The following DNAJC6 variants were observed in gnomAD, a reference collection of about 807,000 sequenced individuals.
The protein encoded by DNAJC6 is auxilin.
Under a neutral mutation model 110.0 loss-of-function variants are expected in DNAJC6, and 34 were observed. That is an observed-to-expected ratio of 0.31 (90% CI 0.24 to 0.41). The LOEUF is 0.41. Among genes scored for constraint, DNAJC6 ranks in the 10% least tolerant of loss-of-function variants. The pLI is 1.00. For missense variants in DNAJC6, 1,031 were observed against 1,207.8 expected, an observed-to-expected ratio of 0.85 and a Z score of 2.17; for synonymous variants, 406 against 437.2, an observed-to-expected ratio of 0.93 and a Z score of 0.89.
intron 1 of DNAJC6, among the ~76,000 whole-genome samples, chr1:65,343,646 C>G (rs148343894): frequency 2.7e-4 from 41 of 151,916 alleles, no homozygotes; most frequent in Admixed American, 5.2e-4. Flanking sequence ...ATAATGGCCC[C>G]AAATCACAAG....
At chr1:65,282,051 G>T (rs1024154114) in intron 1 of DNAJC6, among the ~76,000 whole-genome samples, 1 of 152,026 alleles carries the variant, frequency 6.6e-6, no homozygotes, top group Non-Finnish European at 1.5e-5. Context: ...TCAGCCACCC[G>T]TGAAGCTGGG....
At chr1:65,270,830 C>T (rs183933106) in intron 1 of DNAJC6, among the ~76,000 whole-genome samples, 16 of 152,206 alleles carry the variant, frequency 1.1e-4, no homozygotes, top group African/African-American at 3.4e-4. Flanking sequence ...AGGTGCACAC[C>T]ACCACACCCA....
At chr1:65,313,734 A>G (rs1346008723) in intron 1 of DNAJC6, among the ~76,000 whole-genome samples, 1 of 152,220 alleles carries the variant, frequency 6.6e-6, no homozygotes. Context: ...TTTCTAAGTC[A>G]ACAGCCTCTC....
intron 1 of DNAJC6, among the ~76,000 whole-genome samples, chr1:65,289,227 G>A (rs1029578445): frequency 5.9e-5 from 9 of 151,654 alleles, no homozygotes; most frequent in African/African-American, 1.9e-4. Flanking sequence ...ATGGAGTCTC[G>A]CTCTGTTACC....
rs138715264 is a variant in DNAJC6 at position 65,359,059 on chromosome 1, A to G, written c.194-5576A>G. On this transcript the variant is annotated intron_variant, in intron 1 of 18. Coordinates refer to ENST00000371069, the MANE Select transcript of DNAJC6 (RefSeq NM_001256864.2). ...CTAAGAAATCAATAAAATGTTTATG[A>G]AAAGCAGCCACACTTTTTTATATTT... Among the ~76,000 whole-genome samples, 433 of 152,336 alleles carry G rather than the reference A, an allele frequency of 2.8e-3. 4 individuals are homozygous for G. Among genetic ancestry groups the G allele is most frequent in the African/African-American group, 9.9e-3 (413 of 41,588 alleles).
intron 1 of DNAJC6, among the ~76,000 whole-genome samples, chr1:65,334,503 G>A (rs1645317425): frequency 6.6e-6 from 1 of 152,184 alleles, no homozygotes; most frequent in Non-Finnish European, 1.5e-5. Flanking sequence ...AGGTGAGAAT[G>A]GGAAGGAAAG....
intron 17 of DNAJC6, 61 bp from the exon 18 acceptor site, chr1:65,411,189 T>A (rs1646125680): frequency 6.5e-7 from 1 of 1,541,912 alleles, no homozygotes; most frequent in Middle Eastern, 2.1e-4. Context: ...AGAGTCCTAG[T>A]GGAAACCTTC....
chr1:65,378,764 A>T (rs1239413722), intron 4 of DNAJC6, among the ~76,000 whole-genome samples: 1 of 152,206 alleles, frequency 6.6e-6, no homozygotes, highest in Non-Finnish European at 1.5e-5. Flanking sequence ...CAGTTTTCTC[A>T]TCTGCAAAAT....
upstream of DNAJC6, among the ~76,000 whole-genome samples, chr1:65,308,580 T>A (rs1301847722): frequency 6.6e-6 from 1 of 152,196 alleles, no homozygotes; most frequent in Non-Finnish European, 1.5e-5. Flanking sequence ...AGATACAAAA[T>A]TAGGTACACA....
chr1:65,297,318 C>T (rs1482838762), intron 1 of DNAJC6, among the ~76,000 whole-genome samples: 3 of 152,128 alleles, frequency 2.0e-5, no homozygotes, highest in Non-Finnish European at 2.9e-5. Context: ...TGATAGGAAA[C>T]CCTTGAATAG....
intron 1 of DNAJC6, among the ~76,000 whole-genome samples, chr1:65,314,666 T>G (rs1325058213): frequency 1.3e-5 from 2 of 152,142 alleles, no homozygotes; most frequent in Admixed American, 1.3e-4. Flanking sequence ...TTTTGTACTT[T>G]TAGAAAAGAC....
intron 1 of DNAJC6, among the ~76,000 whole-genome samples, chr1:65,266,068 G>A (rs927193123): frequency 6.6e-6 from 1 of 152,218 alleles, no homozygotes; most frequent in East Asian, 1.9e-4. Context: ...AGCCCGTTGG[G>A]CAGGTTTCGC....
intron 16 of DNAJC6, among the ~76,000 whole-genome samples, 192 bp downstream of exon 16, chr1:65,406,325 A>C (rs1646076046): frequency 7.5e-6 from 1 of 133,682 alleles, no homozygotes; most frequent in South Asian, 2.5e-4. Context: ...TCCTAGGTTG[A>C]CTATGCTCCT....
chr1:65,274,983 G>A (rs1653621054), intron 1 of DNAJC6, among the ~76,000 whole-genome samples: 1 of 152,156 alleles, frequency 6.6e-6, no homozygotes, highest in Non-Finnish European at 1.5e-5. Flanking sequence ...TTCAGACAAT[G>A]TTAGGCGCTT....
intron 1 of DNAJC6, among the ~76,000 whole-genome samples, chr1:65,324,311 G>A (rs189555296): frequency 6.6e-6 from 1 of 151,918 alleles, no homozygotes; most frequent in African/African-American, 2.4e-5. Context: ...CTCATAGCTG[G>A]GACTGCAGGT....
intron 1 of DNAJC6, among the ~76,000 whole-genome samples, chr1:65,348,017 G>C (rs971136360): frequency 6.6e-6 from 1 of 152,128 alleles, no homozygotes; most frequent in Non-Finnish European, 1.5e-5. Flanking sequence ...CTGGTGATTC[G>C]TATGTTTGGC....
intron 4 of DNAJC6, among the ~76,000 whole-genome samples, chr1:65,373,100 G>A (rs1385196705): frequency 1.3e-5 from 2 of 151,974 alleles, no homozygotes; most frequent in Non-Finnish European, 2.9e-5. Flanking sequence ...AGTTATAATG[G>A]CCTCCAGTTC....
At chr1:65,367,578 A>C (rs1645660228) in intron 4 of DNAJC6, among the ~76,000 whole-genome samples, 1 of 152,188 alleles carries the variant, frequency 6.6e-6, no homozygotes, top group Admixed American at 6.5e-5. Flanking sequence ...CATCCTACAC[A>C]ATATTTCATA....
At chr1:65,372,438 G>C (rs1164616229) in intron 4 of DNAJC6, among the ~76,000 whole-genome samples, 1 of 152,084 alleles carries the variant, frequency 6.6e-6, no homozygotes, top group African/African-American at 2.4e-5. Context: ...CACATGCACA[G>C]TGGACACTGG....
Sources: allele counts gnomAD v4.1 joint callset (sites outside exome capture counted in the v4.1 genomes callset), GRCh38; gene constraint gnomAD v4.1.1; transcripts MANE v1.5; gene names NCBI Gene and HGNC (gene_info 2026-07-23, HGNC 2026-07-21).